Variants in CCDC148 observed in about 807,000 individuals in gnomAD.
The protein encoded by CCDC148 is coiled-coil domain containing 148.
In CCDC148, 89 loss-of-function variants were observed where a neutral mutation model predicts 85.7. That is an observed-to-expected ratio of 1.04 (90% CI 0.87 to 1.24). The LOEUF is 1.24. Among genes scored for constraint, CCDC148 ranks in the 50% most tolerant of loss-of-function variants. The pLI, the probability that CCDC148 is intolerant of heterozygous loss-of-function variation, is 0.00. For missense variants in CCDC148, 692 were observed against 671.7 expected (o/e 1.03, Z -0.33); for synonymous variants, 230 against 213.9 (o/e 1.08, Z -0.66).
chr2:158,324,946 C>T (rs1311278532), intron 7 of CCDC148, among the ~76,000 whole-genome samples: 2 of 152,054 alleles, frequency 1.3e-5, no homozygotes, highest in African/African-American at 4.8e-5. Context: ...TGTGCTTATT[C>T]CTCCACTTGT....
At chr2:158,254,463 G>A (rs1688929148) in intron 9 of CCDC148, among the ~76,000 whole-genome samples, 2 of 151,498 alleles carry the variant, frequency 1.3e-5, no homozygotes, top group Non-Finnish European at 3.0e-5. Flanking sequence ...ACTAACGAAT[G>A]GATAACTGTT....
chr2:158,432,355 A>G (rs1248847975), intron 1 of CCDC148, among the ~76,000 whole-genome samples: 1 of 152,202 alleles, frequency 6.6e-6, no homozygotes, highest in Non-Finnish European at 1.5e-5. Flanking sequence ...AAAACAAGAC[A>G]AACAATATGG....
rs377554781 is a variant in CCDC148 at position 158,191,747 on chromosome 2, G to C, written c.1371-12751C>G. Among the ~76,000 whole-genome samples, 3 of 152,006 alleles carry C rather than the reference G, an allele frequency of 2.0e-5. No individual in the cohort carries two copies. The South Asian group carries it at 6.2e-4, about 32-fold the overall frequency. Reference sequence around the variant, plus strand: ...AGTCACACCTACCTTAGCAGTTTCCGTTTTGTCTCAGAATTCAGCTTTTGG... The same window carrying C: ...AGTCACACCTACCTTAGCAGTTTCCCTTTTGTCTCAGAATTCAGCTTTTGG... On this transcript the variant is annotated intron_variant, in intron 11 of 13. Coordinates refer to ENST00000283233, the MANE Select transcript of CCDC148 (RefSeq NM_138803.4).
intron 11 of CCDC148, among the ~76,000 whole-genome samples, chr2:158,200,975 C>T (rs572667405): frequency 1.3e-5 from 2 of 152,226 alleles, no homozygotes; most frequent in East Asian, 3.9e-4. Flanking sequence ...CCCATAATTT[C>T]CCTGCCCCAG....
At chr2:158,433,833 C>T (rs750573626) in intron 1 of CCDC148, among the ~76,000 whole-genome samples, 13 of 152,218 alleles carry the variant, frequency 8.5e-5, no homozygotes, top group African/African-American at 2.9e-4. Flanking sequence ...ATATCCTGTG[C>T]CTGGCTCAGA....
intron 1 of CCDC148, among the ~76,000 whole-genome samples, chr2:158,364,887 G>A (rs934752711): frequency 1.3e-5 from 2 of 152,008 alleles, no homozygotes; most frequent in Admixed American, 6.6e-5. Context: ...TCTACAGAAT[G>A]GGAAAAAAAT....
intron 1 of CCDC148, chr2:158,380,828 C>A (rs536775393): frequency 6.6e-6 from 1 of 152,132 alleles, no homozygotes; most frequent in South Asian, 2.1e-4. Context: ...TACATGATCA[C>A]CTGATTTATG....
At chr2:158,429,684 G>C (rs1418115166) in intron 1 of CCDC148, among the ~76,000 whole-genome samples, 2 of 152,212 alleles carry the variant, frequency 1.3e-5, no homozygotes, top group Admixed American at 6.5e-5. Flanking sequence ...CCAGACATCT[G>C]CTTCTGGCTA....
chr2:158,381,351 A>G (rs961608847), intron 1 of CCDC148, among the ~76,000 whole-genome samples: 1 of 152,210 alleles, frequency 6.6e-6, no homozygotes, highest in African/African-American at 2.4e-5. Flanking sequence ...CAAGTGGCCA[A>G]TAAACATATT....
chr2:158,421,320 T>C (rs980503093), intron 1 of CCDC148, among the ~76,000 whole-genome samples: 3 of 152,188 alleles, frequency 2.0e-5, no homozygotes, highest in African/African-American at 4.8e-5. Flanking sequence ...TATTCCAAAA[T>C]TGACCACATT....
chr2:158,204,118 C>A (rs181155484), intron 11 of CCDC148, among the ~76,000 whole-genome samples: 68 of 152,262 alleles, frequency 4.5e-4, no homozygotes, highest in African/African-American at 1.5e-3. Context: ...GAGTTACCTA[C>A]AATGTGCCAG....
In CCDC148 at chr2:158,320,769, T is replaced by C. The variant is rs374152519; in HGVS notation, c.765-6875A>G. Among the ~76,000 whole-genome samples, 145 of 152,268 alleles carry C rather than the reference T, an allele frequency of 9.5e-4. 1 individual carries two copies. The highest frequency in any genetic ancestry group is 3.4e-3 in the African/African-American group (142 of 41,584). ...GTGAAGAATAGAAACCCCTTATAAA[T>C]GATTTTCACCTCTTCATCATATAAA... On this transcript the variant is annotated intron_variant, in intron 7 of 13. Coordinates refer to ENST00000283233, the MANE Select transcript of CCDC148 (RefSeq NM_138803.4).
At chr2:158,328,874 T>A (rs1346154697) in intron 7 of CCDC148, among the ~76,000 whole-genome samples, 2 of 152,002 alleles carry the variant, frequency 1.3e-5, no homozygotes, top group Non-Finnish European at 2.9e-5. Context: ...TGTTTTTTTC[T>A]TGTAAATTTG....
chr2:158,273,617 G>A (rs1689796244), intron 9 of CCDC148, among the ~76,000 whole-genome samples: 1 of 152,136 alleles, frequency 6.6e-6, no homozygotes, highest in Non-Finnish European at 1.5e-5. Flanking sequence ...TCACAAAGAT[G>A]CCACACCCTA....
chr2:158,312,923 A>G (rs546349023), intron 8 of CCDC148, among the ~76,000 whole-genome samples: 1 of 152,322 alleles, frequency 6.6e-6, no homozygotes, highest in African/African-American at 2.4e-5. Flanking sequence ...CCACTCTTAC[A>G]TGTATTCAAG....
In CCDC148 at chr2:158,293,980, C is replaced by T. The variant is rs1221561955; in HGVS notation, c.1110+15453G>A. 9.4e-3 allele frequency among the ~76,000 whole-genome samples: 63 copies of T among 6,728 alleles called. 2 individuals are homozygous for T. The East Asian group carries it at 0.12, about 13-fold the overall frequency. The allele number at this position is 6,728 out of a possible 152,430, so 4.4% of individuals were successfully genotyped here. On this transcript the variant is annotated intron_variant, in intron 9 of 13. Transcript: ENST00000283233. ...TCCCTCCCTCCCTCCCTCCCCCCCCCCCTCCCTCCCTCCCTCCCTCCCTCC... is the reference window on the plus strand; with the variant it reads ...TCCCTCCCTCCCTCCCTCCCCCCCCTCCTCCCTCCCTCCCTCCCTCCCTCC...
chr2:158,404,698 G>GA (rs1045864608), intron 1 of CCDC148, among the ~76,000 whole-genome samples: 4 of 152,008 alleles, frequency 2.6e-5, no homozygotes, highest in African/African-American at 9.7e-5. Flanking sequence ...TTTAAAATAT[G>GA]AAAAAAATAG....
chr2:158,353,634 T>A (rs1338005264), intron 2 of CCDC148, among the ~76,000 whole-genome samples: 1 of 152,194 alleles, frequency 6.6e-6, no homozygotes, highest in African/African-American at 2.4e-5. Context: ...AATGGGAGAC[T>A]TTAACACCCC....
intron 7 of CCDC148, among the ~76,000 whole-genome samples, chr2:158,330,479 T>C (rs1693040956): frequency 6.6e-6 from 1 of 152,130 alleles, no homozygotes. Context: ...CTTTTTTTGT[T>C]GTGTCTCTGG....
Sources: gnomAD v4.1 joint callset for allele counts (sites outside exome capture counted in the v4.1 genomes callset) on GRCh38, gnomAD v4.1.1 for gene constraint, MANE v1.5 for transcripts, NCBI Gene and HGNC (gene_info 2026-07-23, HGNC 2026-07-21) for gene names.